The following TRPC6 variants were observed in gnomAD, a reference collection of about 807,000 sequenced individuals.
TRPC6 encodes transient receptor potential cation channel subfamily C member 6.
A neutral mutation model predicts 90.7 loss-of-function variants in TRPC6; 55 were observed. That is an observed-to-expected ratio of 0.61 (90% CI 0.49 to 0.76). TRPC6 has a LOEUF of 0.76. Among genes scored for constraint, TRPC6 ranks in the 30% least tolerant of loss-of-function variants. The probability of loss-of-function intolerance (pLI) is 0.00; values close to 1 mark genes in which losing one functional copy is unlikely to be tolerated. For synonymous variants in TRPC6, 393 were observed against 393.0 expected (o/e 1.00, Z 0.00); for missense variants, 989 against 1,122.7 (o/e 0.88, Z 1.70).
intron 2 of TRPC6, among the ~76,000 whole-genome samples, chr11:101,494,023 A>G (rs1223522623): frequency 6.6e-6 from 1 of 152,230 alleles, no homozygotes; most frequent in African/African-American, 2.4e-5. Context: ...TTACCTGAGA[A>G]TGGCTAGTTG....
intron 1 of TRPC6, among the ~76,000 whole-genome samples, chr11:101,511,751 G>A (rs558967150): frequency 1.6e-4 from 24 of 152,178 alleles, no homozygotes; most frequent in Admixed American, 1.3e-4. Context: ...CAGCACTCTG[G>A]GAGGCCTAGG....
At chr11:101,562,300 T>C (rs1371569571) in intron 1 of TRPC6, among the ~76,000 whole-genome samples, 1 of 152,168 alleles carries the variant, frequency 6.6e-6, no homozygotes, top group Non-Finnish European at 1.5e-5. Flanking sequence ...CAGTGGGACT[T>C]GCAAGGATTT....
At chr11:101,577,973 C>G (rs1342504795) in intron 1 of TRPC6, among the ~76,000 whole-genome samples, 1 of 147,764 alleles carries the variant, frequency 6.8e-6, no homozygotes, top group African/African-American at 2.5e-5. Flanking sequence ...CACTCTTCTG[C>G]CCAACTTAGC....
At chr11:101,501,267 T>TAAAA (rs59511975) in intron 2 of TRPC6, among the ~76,000 whole-genome samples, 68,090 of 147,096 alleles carry the variant, frequency 0.46, 16,592 homozygotes, top group African/African-American at 0.57. Context: ...AAAAAGATTT[T>TAAAA]AAAAAAAAAG....
At chr11:101,486,679 A>G (rs1188593390) in intron 4 of TRPC6, among the ~76,000 whole-genome samples, 1 of 152,146 alleles carries the variant, frequency 6.6e-6, no homozygotes, top group Non-Finnish European at 1.5e-5. Context: ...CAGCAAAACC[A>G]ACTTTAAACA....
At chr11:101,462,896 A>C (rs906031968) in intron 10 of TRPC6, among the ~76,000 whole-genome samples, 2 of 152,182 alleles carry the variant, frequency 1.3e-5, no homozygotes, top group African/African-American at 4.8e-5. Context: ...CGATTTTCAA[A>C]GGGAATGGTT....
At chr11:101,529,855 C>G (rs1428009599) in intron 1 of TRPC6, among the ~76,000 whole-genome samples, 1 of 152,184 alleles carries the variant, frequency 6.6e-6, no homozygotes, top group East Asian at 1.9e-4. Flanking sequence ...ACCAAGGAGG[C>G]TCATTTTAAT....
At chr11:101,544,957 G>A (rs1861266628) in intron 1 of TRPC6, among the ~76,000 whole-genome samples, 1 of 152,162 alleles carries the variant, frequency 6.6e-6, no homozygotes, top group African/African-American at 2.4e-5. Flanking sequence ...TGGAGCACCA[G>A]TAGTGCTATA....
intron 1 of TRPC6, among the ~76,000 whole-genome samples, chr11:101,510,989 T>C (rs1860381669): frequency 6.6e-6 from 1 of 152,188 alleles, no homozygotes; most frequent in Non-Finnish European, 1.5e-5. Context: ...AGTTCTAAAA[T>C]TGTAAATGGA....
intron 1 of TRPC6, among the ~76,000 whole-genome samples, chr11:101,575,649 A>C (rs189109782): frequency 1.3e-4 from 20 of 152,322 alleles, no homozygotes; most frequent in Admixed American, 1.2e-3. Flanking sequence ...TAATCATATA[A>C]AATCAACAGA....
chr11:101,478,162 C>T (rs1431798546), intron 5 of TRPC6, among the ~76,000 whole-genome samples: 1 of 152,212 alleles, frequency 6.6e-6, no homozygotes, highest in African/African-American at 2.4e-5. Flanking sequence ...TAAGGAAATG[C>T]CCCGTCTCTA....
rs149049132 is a variant in TRPC6 at position 101,552,455 on chromosome 11, C to T, written c.170+30879G>A. Among the ~76,000 whole-genome samples, 263 of 152,156 alleles carry T rather than the reference C, an allele frequency of 1.7e-3. 3 individuals are homozygous for T. Among genetic ancestry groups the T allele is most frequent in the African/African-American group, 6.1e-3 (253 of 41,542 alleles). On this transcript the variant is annotated intron_variant, in intron 1 of 12. Coordinates refer to ENST00000344327, the MANE Select transcript of TRPC6 (RefSeq NM_004621.6). ...TTTATATGTCAAGAAACAAAATGGTCCAGAAAGTATTTGTACCAAATAATA... is the reference window on the plus strand; with the variant it reads ...TTTATATGTCAAGAAACAAAATGGTTCAGAAAGTATTTGTACCAAATAATA...
chr11:101,526,645 G>A (rs959524298), intron 1 of TRPC6, among the ~76,000 whole-genome samples: 2 of 151,752 alleles, frequency 1.3e-5, no homozygotes, highest in African/African-American at 2.4e-5. Flanking sequence ...GGCAGATCAC[G>A]AGGTCAGGAG....
In TRPC6 at chr11:101,504,688, C is replaced by T. The variant is rs1490609376; in HGVS notation, c.281G>A (p.Ser94Asn). 1 of 1,597,496 alleles carries T rather than the reference C, an allele frequency of 6.3e-7. No individual in the cohort carries two copies. The highest frequency in any genetic ancestry group is 8.5e-7 in the Non-Finnish European group (1 of 1,170,614). The change falls in exon 2 of 13, where the codon AGC becomes AAC. Residue 94 changes from serine (S) to asparagine (N), a missense_variant. Physicochemically the swap from Ser to Asn is conservative, Grantham distance 46. Around this residue, in one of 4 missense-constraint regions of TRPC6, gnomAD observed 194 missense variants for 136.5 expected, o/e 1.42. Coordinates refer to ENST00000344327, the MANE Select transcript of TRPC6 (RefSeq NM_004621.6). ...AAAGCGTTCCTCCTCTATAGATAGG[C>T]TTGTGGAGCGATCACTAAACATGTA... ...PAYMFSDRST[S>N]LSIEEERFLD...
At chr11:101,548,357 TTATATC>T (rs1565238592) in intron 1 of TRPC6, among the ~76,000 whole-genome samples, 8 of 142,046 alleles carry the variant, frequency 5.6e-5, no homozygotes, top group African/African-American at 1.3e-4. Context: ...AATTATATAA[TTATATC>T]TTATAATTAT....
intron 1 of TRPC6, among the ~76,000 whole-genome samples, chr11:101,545,612 A>C (rs979699202): frequency 6.6e-6 from 1 of 152,222 alleles, no homozygotes; most frequent in East Asian, 1.9e-4. Flanking sequence ...TACTCTGTTA[A>C]CATTATTAAG....
chr11:101,554,278 A>G (rs1441787328), intron 1 of TRPC6, among the ~76,000 whole-genome samples: 3 of 152,180 alleles, frequency 2.0e-5, no homozygotes, highest in Non-Finnish European at 4.4e-5. Flanking sequence ...CTTTTTATTA[A>G]GAGGCCAGTA....
chr11:101,522,700 T>G (rs1641283625), intron 1 of TRPC6, among the ~76,000 whole-genome samples: 1 of 152,204 alleles, frequency 6.6e-6, no homozygotes, highest in Admixed American at 6.5e-5. Context: ...AGCATTTATT[T>G]TCCCCCAAAA....
intron 1 of TRPC6, among the ~76,000 whole-genome samples, chr11:101,565,935 T>C (rs1413204065): frequency 6.6e-6 from 1 of 152,170 alleles, no homozygotes; most frequent in African/African-American, 2.4e-5. Context: ...CATCATCCAG[T>C]GTACATGTTT....
Sources: allele counts gnomAD v4.1 joint callset (sites outside exome capture counted in the v4.1 genomes callset), GRCh38; gene constraint gnomAD v4.1.1; regional missense constraint gnomAD v4.1.1; transcripts MANE v1.5; gene names NCBI Gene and HGNC (gene_info 2026-07-23, HGNC 2026-07-21).